The following NTRK3 variants were observed in gnomAD, a reference collection of about 807,000 sequenced individuals.
NTRK3 encodes NT-3 growth factor receptor.
NTRK3 carries 24 observed loss-of-function variants against 91.7 expected under a neutral mutation model. The ratio of observed to expected loss-of-function variants is 0.26; its 90% CI spans 0.19 to 0.37. NTRK3 has a LOEUF of 0.37. Ranked by LOEUF, NTRK3 falls within the 10% of genes least tolerant of loss-of-function variation. The probability of loss-of-function intolerance (pLI) is 1.00; values close to 1 mark genes in which losing one functional copy is unlikely to be tolerated. For missense variants in NTRK3, 880 were observed against 1,068.9 expected, an observed-to-expected ratio of 0.82 and a Z score of 2.46; for synonymous variants, 483 against 404.0, an observed-to-expected ratio of 1.20 and a Z score of -2.34.
At chr15:87,880,176 C>T (rs1440855550) in intron 18 of NTRK3, 94 bp downstream of exon 19, 1 of 1,512,600 alleles carries the variant, frequency 6.6e-7, no homozygotes, top group Non-Finnish European at 9.2e-7. Context: ...CTCTAAATCC[C>T]ACCTAATGTC....
At chr15:87,902,283 G>C (rs571765515) in intron 17 of NTRK3, among the ~76,000 whole-genome samples, 2 of 152,318 alleles carry the variant, frequency 1.3e-5, no homozygotes, top group Admixed American at 1.3e-4. Flanking sequence ...TTGTAGAAAT[G>C]GCACTGATAA....
chr15:87,906,909 C>T (rs1253942792), intron 17 of NTRK3, among the ~76,000 whole-genome samples: 1 of 152,074 alleles, frequency 6.6e-6, no homozygotes, highest in East Asian at 1.9e-4. Flanking sequence ...GTAAGGGCAG[C>T]GATTTTTGTC....
intron 10 of NTRK3, among the ~76,000 whole-genome samples, chr15:88,129,980 C>T (rs2053647694): frequency 6.6e-6 from 1 of 152,142 alleles, no homozygotes; most frequent in Admixed American, 6.5e-5. Flanking sequence ...AACGTCAACA[C>T]ACACGCACAG....
At chr15:88,216,368 G>T (rs904125975) in intron 3 of NTRK3, among the ~76,000 whole-genome samples, 1 of 152,214 alleles carries the variant, frequency 6.6e-6, no homozygotes, top group Non-Finnish European at 1.5e-5. Flanking sequence ...GCAGCCCTAG[G>T]TACTTCTCCT....
chr15:87,934,584 G>A (rs1166198729), intron 15 of NTRK3, among the ~76,000 whole-genome samples: 1 of 152,148 alleles, frequency 6.6e-6, no homozygotes, highest in Non-Finnish European at 1.5e-5. Flanking sequence ...CAAAAGAGGT[G>A]TATCTGGGGG....
At chr15:88,110,791 CA>C (rs1414334495) in intron 13 of NTRK3, among the ~76,000 whole-genome samples, 2 of 152,104 alleles carry the variant, frequency 1.3e-5, no homozygotes, top group Admixed American at 1.3e-4. Flanking sequence ...CTCCTGGGCC[CA>C]ATTTTCATTT....
At chr15:88,083,619 A>C (rs1051110939) in intron 13 of NTRK3, among the ~76,000 whole-genome samples, 1 of 152,334 alleles carries the variant, frequency 6.6e-6, no homozygotes, top group Non-Finnish European at 1.5e-5. Context: ...TTCATAGTCA[A>C]GAAGGAGTGG....
chr15:88,227,749 C>G (rs956680788), intron 3 of NTRK3, among the ~76,000 whole-genome samples: 4 of 152,036 alleles, frequency 2.6e-5, no homozygotes, highest in African/African-American at 9.7e-5. Flanking sequence ...ACTCACTGCC[C>G]GTTCCTCCCT....
intron 3 of NTRK3, chr15:88,252,737 G>C (rs2053550729): frequency 6.6e-6 from 1 of 152,280 alleles, no homozygotes; most frequent in Non-Finnish European, 1.5e-5. Context: ...TGTATCAACA[G>C]CTGCAAAGGC....
At chr15:88,115,755 G>A in intron 13 of NTRK3, among the ~76,000 whole-genome samples, 1 of 152,272 alleles carries the variant, frequency 6.6e-6, no homozygotes. Flanking sequence ...CCAACCGCCA[G>A]AGCAGCAAGA....
intron 17 of NTRK3, among the ~76,000 whole-genome samples, chr15:87,909,664 C>T (rs2066972125): frequency 6.6e-6 from 1 of 152,154 alleles, no homozygotes; most frequent in Non-Finnish European, 1.5e-5. Flanking sequence ...TGGGGAAGTC[C>T]TAACCCCAAG....
At chr15:88,113,311 C>CTT (rs60232101) in intron 13 of NTRK3, among the ~76,000 whole-genome samples, 33,816 of 110,116 alleles carry the variant, frequency 0.31, 6,569 homozygotes, top group African/African-American at 0.45. Flanking sequence ...TGATCAATTT[C>CTT]TTTTTTTTTT....
chr15:87,940,147 C>T (rs2069682731), intron 15 of NTRK3, among the ~76,000 whole-genome samples: 1 of 152,116 alleles, frequency 6.6e-6, no homozygotes, highest in South Asian at 2.1e-4. Context: ...CTCCCTGCTG[C>T]ACCCCCCTCC....
intron 13 of NTRK3, among the ~76,000 whole-genome samples, chr15:88,117,002 G>A (rs144733932): frequency 5.6e-4 from 86 of 152,278 alleles, no homozygotes; most frequent in African/African-American, 1.8e-3. Flanking sequence ...TGAAATATGC[G>A]GACGTCTATT....
chr15:87,978,201 A>G (rs1474562149), intron 14 of NTRK3: 1 of 229,992 alleles, frequency 4.3e-6, no homozygotes. Context: ...TCAGTGGATC[A>G]AGTTGAAAAT....
At chr15:87,879,321 T>C (rs1036552783) in intron 18 of NTRK3, among the ~76,000 whole-genome samples, 1 of 152,216 alleles carries the variant, frequency 6.6e-6, no homozygotes, top group Non-Finnish European at 1.5e-5. Flanking sequence ...CGATGTTTCA[T>C]AGGGATGTTT....
rs541625945 is a variant in NTRK3 at position 87,874,790 on chromosome 15, C to T, written c.*2145G>A. On this transcript the variant is annotated 3_prime_UTR_variant, in exon 19 of 19. Transcript: ENST00000394480. ...GCCAGAACTCACAGCCCCGGCATAACGGTCCTCTAGGTGGAAAGACAAGAG... is the reference window on the plus strand; with the variant it reads ...GCCAGAACTCACAGCCCCGGCATAATGGTCCTCTAGGTGGAAAGACAAGAG... 36 of 231,836 alleles carry T rather than the reference C, an allele frequency of 1.6e-4. No individual in the cohort carries two copies. The South Asian group carries it at 5.1e-3, about 33-fold the overall frequency. The allele number at this position is 231,836 out of a possible 1,614,324, so 14.4% of individuals were successfully genotyped here. A position where few individuals can be genotyped will look rare whatever the true frequency, so the allele number is the denominator to read the frequency against.
intron 5 of NTRK3, among the ~76,000 whole-genome samples, chr15:88,167,187 C>A (rs1242121219): frequency 6.6e-6 from 1 of 152,150 alleles, no homozygotes. Context: ...GGCAAAGACC[C>A]AACTACCATC....
intron 3 of NTRK3, among the ~76,000 whole-genome samples, chr15:88,184,678 C>A (rs2046808879): frequency 6.6e-6 from 1 of 152,200 alleles, no homozygotes; most frequent in Admixed American, 6.5e-5. Flanking sequence ...TAAGGACTGG[C>A]CTTTTTTTTC....
Sources: gnomAD v4.1 joint callset for allele counts (sites outside exome capture counted in the v4.1 genomes callset) on GRCh38, gnomAD v4.1.1 for gene constraint, MANE v1.5 for transcripts, NCBI Gene and HGNC (gene_info 2026-07-23, HGNC 2026-07-21) for gene names.